Variants in ANKS1B observed in about 807,000 individuals in gnomAD.
ANKS1B encodes the protein ankyrin repeat and sterile alpha motif domain-containing protein 1B.
A neutral mutation model predicts 148.3 loss-of-function variants in ANKS1B; 36 were observed. The ratio of observed to expected loss-of-function variants is 0.24; its 90% CI spans 0.19 to 0.32. The LOEUF (loss-of-function observed/expected upper bound fraction) is 0.32. Ranked by LOEUF, ANKS1B falls within the 10% of genes least tolerant of loss-of-function variation. The pLI is 1.00. For missense variants in ANKS1B, 1,157 were observed against 1,542.6 expected, an observed-to-expected ratio of 0.75 and a Z score of 4.19; for synonymous variants, 542 against 560.8, an observed-to-expected ratio of 0.97 and a Z score of 0.47.
At chr12:98,794,937 A>G in intron 22 of ANKS1B, 4 of 1,302,752 alleles carry the variant, frequency 3.1e-6, no homozygotes, top group Non-Finnish European at 4.4e-6. Flanking sequence ...CACAGCAGCT[A>G]CAAGAGGATG....
At chr12:98,922,860 G>T (rs1454710283) in intron 17 of ANKS1B, among the ~76,000 whole-genome samples, 8 of 152,128 alleles carry the variant, frequency 5.3e-5, no homozygotes, top group African/African-American at 1.9e-4. Flanking sequence ...GTGGACCTTT[G>T]CGTAAAAATA....
chr12:99,768,025 GACA>G (rs773046417), intron 8 of ANKS1B, among the ~76,000 whole-genome samples: 84 of 152,022 alleles, frequency 5.5e-4, no homozygotes, highest in Non-Finnish European at 9.6e-4. Flanking sequence ...GAAGAAAAGA[GACA>G]ACAAAAGCTA....
chr12:99,134,994 G>C (rs1478217519), intron 15 of ANKS1B, among the ~76,000 whole-genome samples: 2 of 152,010 alleles, frequency 1.3e-5, no homozygotes, highest in East Asian at 3.9e-4. Flanking sequence ...GATCAAATGG[G>C]AAATAATGCA....
intron 25 of ANKS1B, among the ~76,000 whole-genome samples, chr12:98,761,414 G>C (rs545191737): frequency 1.0e-3 from 158 of 152,308 alleles, no homozygotes; most frequent in African/African-American, 3.6e-3. Flanking sequence ...AAAGAAATAT[G>C]CAGCATAAAA....
At chr12:99,635,739 TGGAAA>T (rs1436369206) in intron 9 of ANKS1B, among the ~76,000 whole-genome samples, 43 of 152,252 alleles carry the variant, frequency 2.8e-4, no homozygotes, top group African/African-American at 9.9e-4. Context: ...ATAGTTAATA[TGGAAA>T]ATTCTATGTT....
At chr12:99,162,888 T>C (rs1196284549) in intron 14 of ANKS1B, among the ~76,000 whole-genome samples, 1 of 152,198 alleles carries the variant, frequency 6.6e-6, no homozygotes, top group East Asian at 1.9e-4. Context: ...TAAAACCTCG[T>C]CTCTACTACA....
chr12:99,855,069 T>A (rs1022129828), intron 1 of ANKS1B, among the ~76,000 whole-genome samples: 5 of 152,052 alleles, frequency 3.3e-5, no homozygotes, highest in African/African-American at 1.2e-4. Flanking sequence ...TAACATTGAA[T>A]GTAAGTGGCC....
chr12:99,894,141 G>A (rs78208733), intron 1 of ANKS1B, among the ~76,000 whole-genome samples: 25,714 of 151,322 alleles, frequency 0.17, 2,766 homozygotes, highest in Non-Finnish European at 0.24. Flanking sequence ...ACAAATGGAC[G>A]AGCGCAGTGA....
intron 17 of ANKS1B, among the ~76,000 whole-genome samples, chr12:99,021,012 A>G (rs983456501): frequency 1.1e-4 from 17 of 152,144 alleles, no homozygotes; most frequent in Non-Finnish European, 5.9e-5. Flanking sequence ...AAATCTAATG[A>G]TATCTATGAT....
chr12:99,246,980 C>T, intron 12 of ANKS1B, 116 bp from the exon 13 acceptor site: 1 of 781,870 alleles, frequency 1.3e-6, no homozygotes, highest in Non-Finnish European at 2.1e-6. Context: ...TGCTACATAG[C>T]AATACCTTCA....
At chr12:99,064,246 C>A (rs544150106) in intron 16 of ANKS1B, among the ~76,000 whole-genome samples, 1 of 152,276 alleles carries the variant, frequency 6.6e-6, no homozygotes. Flanking sequence ...TCTAGGTTTT[C>A]TATTTCGTGA....
intron 15 of ANKS1B, among the ~76,000 whole-genome samples, chr12:99,111,873 C>T (rs542796301): frequency 7.2e-5 from 11 of 152,040 alleles, no homozygotes; most frequent in Middle Eastern, 6.8e-3. Context: ...GATCATCACG[C>T]TTGAGGATAA....
intron 17 of ANKS1B, among the ~76,000 whole-genome samples, chr12:98,894,393 G>T (rs2099759101): frequency 6.6e-6 from 1 of 151,708 alleles, no homozygotes; most frequent in Non-Finnish European, 1.5e-5. Context: ...TAACCCGGGG[G>T]TGGTGGGGGA....
At chr12:99,435,268 A>G (rs2095440802) in intron 11 of ANKS1B, among the ~76,000 whole-genome samples, 1 of 151,964 alleles carries the variant, frequency 6.6e-6, no homozygotes, top group Non-Finnish European at 1.5e-5. Flanking sequence ...CCATATCCCA[A>G]ATTCCAGGAG....
chr12:99,206,842 T>C (rs2082727774), intron 14 of ANKS1B, among the ~76,000 whole-genome samples: 1 of 152,218 alleles, frequency 6.6e-6, no homozygotes, highest in Non-Finnish European at 1.5e-5. Context: ...GCTGGCTATT[T>C]GGAAACTTTT....
At chr12:99,498,270 T>C (rs1010314583) in intron 10 of ANKS1B, among the ~76,000 whole-genome samples, 1 of 152,218 alleles carries the variant, frequency 6.6e-6, no homozygotes, top group Non-Finnish European at 1.5e-5. Context: ...TCATGCCATG[T>C]TCACTTCTGC....
At chr12:99,841,863 TTC>T (rs1359319029) in intron 1 of ANKS1B, among the ~76,000 whole-genome samples, 1 of 152,152 alleles carries the variant, frequency 6.6e-6, no homozygotes, top group Non-Finnish European at 1.5e-5. Context: ...TGTATTATTT[TTC>T]TCTCCTTGGT....
intron 8 of ANKS1B, among the ~76,000 whole-genome samples, chr12:99,662,798 CT>C (rs1188159335): frequency 3.9e-5 from 6 of 152,140 alleles, no homozygotes; most frequent in South Asian, 2.1e-4. Flanking sequence ...TCCCCCTCCC[CT>C]ATCAATATTT....
At chr12:99,906,930 G>A (rs1169223382) in intron 1 of ANKS1B, among the ~76,000 whole-genome samples, 3 of 152,164 alleles carry the variant, frequency 2.0e-5, no homozygotes, top group African/African-American at 7.2e-5. Context: ...ACAAGAGAAT[G>A]TGCCATATTA....
Sources: gnomAD v4.1 joint callset for allele counts (sites outside exome capture counted in the v4.1 genomes callset) on GRCh38, gnomAD v4.1.1 for gene constraint, MANE v1.5 for transcripts, NCBI Gene and HGNC (gene_info 2026-07-23, HGNC 2026-07-21) for gene names.